The following TRPM4 variants were observed in gnomAD, a reference collection of about 807,000 sequenced individuals.
The protein encoded by TRPM4 is transient receptor potential cation channel subfamily M member 4.
A neutral mutation model predicts 135.6 loss-of-function variants in TRPM4; 124 were observed. That is an observed-to-expected ratio of 0.91 (90% confidence interval 0.79 to 1.06). TRPM4 has a LOEUF of 1.06. Ranked by LOEUF, TRPM4 falls within the 50% of genes least tolerant of loss-of-function variation. The probability of loss-of-function intolerance (pLI) is 0.00; values close to 1 mark genes in which losing one functional copy is unlikely to be tolerated. For missense variants in TRPM4, 1,658 were observed against 1,671.4 expected (o/e 0.99, Z 0.14); for synonymous variants, 745 against 705.6 (o/e 1.06, Z -0.88).
Position 49,188,335 on chromosome 19 carries a change from G to T in TRPM4, c.1744-306G>T, listed in dbSNP as rs909011. Among the ~76,000 whole-genome samples, 6,231 of 152,104 alleles carry T rather than the reference G, an allele frequency of 0.041. 403 individuals carry two copies. Among genetic ancestry groups the T allele is most frequent in the African/African-American group, 0.14 (5,805 of 41,446 alleles). On this transcript the variant is annotated intron_variant, in intron 12 of 24. Transcript: ENST00000252826. ...TTCACTTCAGCCTCCCAACGTGCTG[G>T]GATTATAGTCGTGAGCCACTTTACC...
At chr19:49,197,364 C>CTTTCTCTCTCTCTT (rs1305134354) in intron 17 of TRPM4, among the ~76,000 whole-genome samples, 1 of 72,654 alleles carries the variant, frequency 1.4e-5, no homozygotes, top group African/African-American at 5.7e-5. Context: ...TTCTTTCTTT[C>CTTTCTCTCTCTCTT]TCTCTCTTTC....
chr19:49,194,360 C>A (rs35071219), intron 16 of TRPM4, among the ~76,000 whole-genome samples: 28,779 of 151,884 alleles, frequency 0.19, 3,470 homozygotes, highest in South Asian at 0.3. Flanking sequence ...GCTAAGCCAT[C>A]CTCCCACCTC....
In TRPM4 at chr19:49,190,898, A is replaced by G; in HGVS notation, c.2210+125A>G. On this transcript the variant is annotated intron_variant, in intron 16 of 24. Transcript: ENST00000252826. ...AAAGTTGCTAAACCTGAGACTGAGT[A>G]ATTTATAAAGAAAAGAGGTTTCATT... 4.1e-6 allele frequency: 3 copies of G among 736,628 alleles called. No homozygotes were observed. The South Asian group carries it at 5.8e-5, about 14-fold the overall frequency. 45.6% of individuals were successfully genotyped at this position (736,628 alleles called of 1,614,324 possible).
rs753172171 is a variant in TRPM4 at position 49,168,680 on chromosome 19, A to G, written c.740A>G (p.Asn247Ser). The change falls in exon 6 of 25, where the codon AAC becomes AGC. Residue 247 changes from asparagine (N) to serine (S), a missense_variant. Physicochemically the swap from Asn to Ser is conservative, Grantham distance 46 (BLOSUM62 1). Coordinates refer to ENST00000252826, the MANE Select transcript of TRPM4 (RefSeq NM_017636.4). ...ACACACGGCTGCCTGGGGGGCGAGA[A>G]CCGCTTCCGCTTGCGCCTGGAGTCC... ...DGTHGCLGGENRFRLRLESYI... is the reference protein window; with the variant it reads ...DGTHGCLGGESRFRLRLESYI... The G allele has an allele frequency of 6.2e-7, 1 of 1,611,798 alleles. No homozygotes were observed. Among genetic ancestry groups the G allele is most frequent in the South Asian group, 1.1e-5 (1 of 90,774 alleles).
In TRPM4 at chr19:49,172,077, C is replaced by T. The variant is rs141531245; in HGVS notation, c.1119C>T (p.Phe373=). Residue 373 remains phenylalanine (F), a synonymous_variant, in exon 9 of 25, where the codon TTC becomes TTT. Coordinates refer to ENST00000252826, the MANE Select transcript of TRPM4 (RefSeq NM_017636.4). ...CTTCTGAGGATGGGTCTGAGGAATTCGAGACCATAGTTTTGAAGGCCCTTG... is the reference window on the plus strand; with the variant it reads ...CTTCTGAGGATGGGTCTGAGGAATTTGAGACCATAGTTTTGAAGGCCCTTG... ...VYSSEDGSEE[F]ETIVLKALVK... 1.8e-5 allele frequency: 29 copies of T among 1,613,796 alleles called. No individual in the cohort carries two copies. Among genetic ancestry groups the T allele is most frequent in the African/African-American group, 4.0e-5 (3 of 74,836 alleles).
intron 12 of TRPM4, 31 bp from the exon 13 acceptor site, chr19:49,188,610 T>A: frequency 1.2e-6 from 2 of 1,614,178 alleles, no homozygotes. Flanking sequence ...GAACCCTCTT[T>A]GACGCATCCG....
intron 9 of TRPM4, among the ~76,000 whole-genome samples, chr19:49,174,480 G>T (rs955857631): frequency 6.6e-6 from 1 of 151,686 alleles, no homozygotes; most frequent in Non-Finnish European, 1.5e-5. Context: ...CCGGACCTTG[G>T]CCAGGCACAG....
chr19:49,188,111 AT>A (rs1968265489), intron 12 of TRPM4, among the ~76,000 whole-genome samples: 1 of 152,138 alleles, frequency 6.6e-6, no homozygotes, highest in African/African-American at 2.4e-5. Context: ...CCCAGGCAAG[AT>A]GGGGGTCTTT....
intron 6 of TRPM4, among the ~76,000 whole-genome samples, chr19:49,169,009 CAAT>C (rs577879197): frequency 1.1e-3 from 162 of 149,080 alleles, no homozygotes; most frequent in African/African-American, 3.0e-3. Flanking sequence ...TTGTCTCTAC[CAAT>C]AATAATAATA....
chr19:49,174,836 A>T (rs1463674663), intron 9 of TRPM4, among the ~76,000 whole-genome samples: 2 of 151,354 alleles, frequency 1.3e-5, no homozygotes, highest in Non-Finnish European at 2.9e-5. Context: ...AACGAGTGGG[A>T]CAGATAAGTA....
In TRPM4 at chr19:49,168,744, G is replaced by T. The variant is rs778658455; in HGVS notation, c.796+8G>T. 1 of 1,580,474 alleles carries T rather than the reference G, an allele frequency of 6.3e-7. No individual in the cohort carries two copies. The highest frequency in any genetic ancestry group is 8.6e-7 in the Non-Finnish European group (1 of 1,164,256). ...AGAAGACGGGCGTGGGAGGTGAGTG[G>T]TCGAACCCATGACCCACAACCCACG... On this transcript the variant is annotated splice_region_variant and intron_variant, in intron 6 of 24. Coordinates refer to ENST00000252826, the MANE Select transcript of TRPM4 (RefSeq NM_017636.4).
At chr19:49,181,774 C>T (rs536538139) in intron 10 of TRPM4, among the ~76,000 whole-genome samples, 10 of 151,998 alleles carry the variant, frequency 6.6e-5, no homozygotes, top group African/African-American at 1.4e-4. Flanking sequence ...CCTTGTGATC[C>T]GCCCGCCTCA....
At chr19:49,161,200 G>A (rs1600387716) in intron 2 of TRPM4, among the ~76,000 whole-genome samples, 1 of 151,998 alleles carries the variant, frequency 6.6e-6, no homozygotes, top group Non-Finnish European at 1.5e-5. Flanking sequence ...ACGTCACAGG[G>A]AAAACAACGT....
intron 6 of TRPM4, among the ~76,000 whole-genome samples, chr19:49,169,427 GGC>G (rs1491543098): frequency 5.9e-5 from 6 of 102,474 alleles, no homozygotes; most frequent in African/African-American, 1.2e-4. Flanking sequence ...TGGGATTACA[GGC>G]ACGTGCCATC....
At chr19:49,164,378 T>TG (rs1421051986) in intron 2 of TRPM4, among the ~76,000 whole-genome samples, 7 of 107,810 alleles carry the variant, frequency 6.5e-5, no homozygotes, top group Non-Finnish European at 9.5e-5. Flanking sequence ...TTTTTTTTTT[T>TG]TTTTTTTTTT....
intron 16 of TRPM4, among the ~76,000 whole-genome samples, chr19:49,195,684 T>A (rs1053340102): frequency 1.1e-4 from 12 of 110,656 alleles, no homozygotes; most frequent in African/African-American, 5.1e-4. Context: ...TCTACTTTAA[T>A]TTTTTTTTTT....
rs949586177 is a variant in TRPM4, at chr19:49,211,006, C to T, written c.3462-9C>T. ...CGGGTGCCCCCGGTAAGAGGCCCTCCCTTCTCAGGGTGGACTTGGCACTGA... is the reference window on the plus strand; with the variant it reads ...CGGGTGCCCCCGGTAAGAGGCCCTCTCTTCTCAGGGTGGACTTGGCACTGA... On this transcript the variant is annotated splice_polypyrimidine_tract_variant and intron_variant, in intron 22 of 24. Transcript: ENST00000252826. This position sits in a 1 kb window ranked among gnomAD's most constrained non-coding sequence, Gnocchi z 4.8. The T allele has an allele frequency of 1.2e-6, 2 of 1,613,670 alleles. No individual in the cohort carries two copies. The highest frequency in any genetic ancestry group is 1.3e-5 in the African/African-American group (1 of 74,894).
At chr19:49,165,949 C>CCACACTGA (rs1415967819) in intron 2 of TRPM4, 92 bp from the exon 3 acceptor site, 1 of 1,321,998 alleles carries the variant, frequency 7.6e-7, no homozygotes, top group African/African-American at 1.5e-5. Flanking sequence ...GACTCAGTGT[C>CCACACTGA]GACAGCCCCC....
At chr19:49,169,254 G>A (rs1600413917) in intron 6 of TRPM4, among the ~76,000 whole-genome samples, 1 of 150,396 alleles carries the variant, frequency 6.6e-6, no homozygotes, top group East Asian at 2.0e-4. Context: ...AAAAATGCAC[G>A]AAGGTGGACA....
Sources: allele counts gnomAD v4.1 joint callset (sites outside exome capture counted in the v4.1 genomes callset), GRCh38; gene constraint gnomAD v4.1.1; non-coding constraint Gnocchi (gnomAD v3.1); transcripts MANE v1.5; gene names NCBI Gene and HGNC (gene_info 2026-07-23, HGNC 2026-07-21).